The following UNG variants were observed in gnomAD, a reference collection of about 807,000 sequenced individuals.
UNG encodes uracil-DNA glycosylase.
In UNG, 34 loss-of-function variants were observed where a neutral mutation model predicts 36.5. The ratio of observed to expected loss-of-function variants is 0.93; its 90% CI spans 0.71 to 1.24. UNG has a LOEUF of 1.24. Ranked by LOEUF, UNG falls within the 50% of genes most tolerant of loss-of-function variation. UNG has a pLI of 0.00. For missense variants in UNG, 391 were observed against 397.6 expected, an observed-to-expected ratio of 0.98 and a Z score of 0.14; for synonymous variants, 172 against 157.8, an observed-to-expected ratio of 1.09 and a Z score of -0.67.
At chr12:109,099,500 G>A (rs577924331) in intron 3 of UNG, among the ~76,000 whole-genome samples, 1 of 152,154 alleles carries the variant, frequency 6.6e-6, no homozygotes, top group South Asian at 2.1e-4. Context: ...TGTACATCCT[G>A]TGCTCTTATT....
rs538049279 is a variant in UNG, at chr12:109,098,185, A to G, written c.133-247A>G. The stretch of plus-strand genomic sequence containing the variant: ...CGGGGCACCTCTGTGCAGGGTTCCC[A>G]GTCACCGCGACGCTCCTCGGGAAGC... On this transcript the variant is annotated intron_variant, in intron 1 of 6. Transcript: ENST00000242576. The G allele has an allele frequency of 4.6e-5, 65 of 1,422,106 alleles. 1 individual carries two copies. In the South Asian group the frequency reaches 7.6e-4, roughly 17 times the overall value. The allele number at this position is 1,422,106 out of a possible 1,614,324, so 88.1% of individuals were successfully genotyped here.
chr12:109,099,204 G>T lies in UNG; in HGVS notation c.355G>T (p.Ala119Ser), dbSNP rs779246152. 1.2e-6 allele frequency: 2 copies of T among 1,613,454 alleles called. No individual in the cohort carries two copies. Among genetic ancestry groups the T allele is most frequent in the Non-Finnish European group, 1.7e-6 (2 of 1,179,952 alleles). ...TTTAAATCAGCTAATGGGATTTGTTGCAGAAGAAAGAAAGCATTACACTGT... is the reference window on the plus strand; with the variant it reads ...TTTAAATCAGCTAATGGGATTTGTTTCAGAAGAAAGAAAGCATTACACTGT... Reference protein sequence around the residue: ...PYFIKLMGFVAEERKHYTVYP... With the variant: ...PYFIKLMGFVSEERKHYTVYP... The change falls in exon 3 of 7, where the codon GCA (alanine) becomes TCA (serine). Residue 119 changes from alanine (A) to serine (S), a missense_variant. Transcript: ENST00000242576.
intron 1 of UNG, 28 bp from the exon 2 acceptor site, chr12:109,098,404 G>A (rs1278370430): frequency 3.1e-6 from 5 of 1,603,386 alleles, no homozygotes; most frequent in Non-Finnish European, 4.3e-6. Flanking sequence ...TGCAGCTCTT[G>A]AGCCGCCTCT....
At position 109,099,218 on chromosome 12, in the gene UNG, G is replaced by C; in HGVS notation, c.369G>C (p.Lys123Asn). 1 of 1,613,808 alleles carries C rather than the reference G, an allele frequency of 6.2e-7. No homozygotes were observed. Among genetic ancestry groups the C allele is most frequent in the Non-Finnish European group, 8.5e-7 (1 of 1,180,004 alleles). Reference protein sequence around the residue: ...KLMGFVAEERKHYTVYPPPHQ... With the variant: ...KLMGFVAEERNHYTVYPPPHQ... ...TGGGATTTGTTGCAGAAGAAAGAAA[G>C]CATTACACTGTTTATCCACCCCCAC... Residue 123 changes from lysine (K) to asparagine (N), a missense_variant, in exon 3 of 7, where the codon AAG (lysine) becomes AAC (asparagine). Physicochemically the swap from Lys to Asn is moderately conservative, Grantham distance 94. Transcript: ENST00000242576.
Position 109,110,675 on chromosome 12 carries a change from T to C in UNG, c.*706T>C, listed in dbSNP as rs1260913930. 4 of 152,570 alleles carry C rather than the reference T, an allele frequency of 2.6e-5. No homozygotes were observed. Among genetic ancestry groups the C allele is most frequent in the South Asian group, 2.1e-4 (1 of 4,830 alleles). 9.5% of individuals were successfully genotyped at this position (152,570 alleles called of 1,614,324 possible). The stretch of plus-strand genomic sequence containing the variant: ...AGAGGAGAAAAGGGAATTTTGTCTT[T>C]ATGGGGTGGGGTGATTTTCTCCTAG... On this transcript the variant is annotated 3_prime_UTR_variant, in exon 7 of 7. Transcript: ENST00000242576.
In UNG at chr12:109,097,772, C is replaced by T. The variant is rs904612774; in HGVS notation, c.93C>T (p.Thr31=). ...APSPEPAVQG[T]GVAGVPEESG... ...GCCCCGAGCCGGCCGTCCAGGGGAC[C>T]GGCGTGGCTGGGGTGCCTGAGGAAA... The change falls in exon 1 of 7, where the codon ACC becomes ACT. Residue 31 remains threonine, a synonymous_variant. Transcript: ENST00000242576. 6 of 1,564,266 alleles carry T rather than the reference C, an allele frequency of 3.8e-6. No homozygotes were observed. The African/African-American group carries it at 8.2e-5, about 21-fold the overall frequency.
chr12:109,100,967 A>T (rs968036580), intron 3 of UNG, among the ~76,000 whole-genome samples: 11 of 151,802 alleles, frequency 7.2e-5, no homozygotes, highest in Non-Finnish European at 1.6e-4. Context: ...CCGTGACAGG[A>T]ACTTCATTTC....
chr12:109,100,207 C>A (rs2042166480), intron 3 of UNG, among the ~76,000 whole-genome samples: 1 of 152,206 alleles, frequency 6.6e-6, no homozygotes, highest in Non-Finnish European at 1.5e-5. Flanking sequence ...AAACCCCTCC[C>A]CACTTCTGTC....
intron 6 of UNG, among the ~76,000 whole-genome samples, chr12:109,109,576 A>G (rs2042244167): frequency 6.6e-6 from 1 of 151,924 alleles, no homozygotes; most frequent in African/African-American, 2.4e-5. Flanking sequence ...CGAGGTCAAG[A>G]GATCGAGACC....
chr12:109,098,230 C>T, intron 1 of UNG: 3 of 1,481,620 alleles, frequency 2.0e-6, no homozygotes, highest in East Asian at 2.3e-5. Context: ...CCTCCCAGCC[C>T]GTCTCCCCGC....
In UNG at chr12:109,098,618, G is replaced by A. The variant is rs1290849343; in HGVS notation, c.319G>A (p.Gly107Arg). ...GAAGAAGCACCTCAGCGGGGAGTTC[G>A]GGAAACCGTATTTTATCAAGGTAAA... ...SWKKHLSGEF[G>R]KPYFIKLMGF... The change falls in exon 2 of 7, where the codon GGG becomes AGG. Residue 107 changes from glycine to arginine, a missense_variant. Physicochemically the swap from Gly to Arg is moderately radical, Grantham distance 125. Coordinates refer to ENST00000242576, the MANE Select transcript of UNG (RefSeq NM_080911.3). 1 of 1,613,416 alleles carries A rather than the reference G, an allele frequency of 6.2e-7. No homozygotes were observed. The highest frequency in any genetic ancestry group is 8.5e-7 in the Non-Finnish European group (1 of 1,180,048).
chr12:109,099,226 CTG>C lies in UNG; in HGVS notation c.379_380del (p.Val127LeufsTer15). 4 of 1,613,978 alleles carry C rather than the reference CTG, an allele frequency of 2.5e-6. No individual in the cohort carries two copies. Among genetic ancestry groups the C allele is most frequent in the Non-Finnish European group, 3.4e-6 (4 of 1,180,010 alleles). On this transcript the variant is annotated frameshift_variant, in exon 3 of 7. Transcript: ENST00000242576. LOFTEE classifies it high-confidence loss of function. ...GTTGCAGAAGAAAGAAAGCATTACA[CTG>C]TTTATCCACCCCCACACCAAGTCTT...
rs560490243 is a variant in UNG at position 109,097,966 on chromosome 12, C to T, written c.132+155C>T. On this transcript the variant is annotated intron_variant, in intron 1 of 6. Coordinates refer to ENST00000242576, the MANE Select transcript of UNG (RefSeq NM_080911.3). ...ACGTGTTCAAAATAGCCGCCGCTGT[C>T]CCCCATGGGCCGCCATGCTAAAGGG... Among the ~76,000 whole-genome samples the T allele has an allele frequency of 1.3e-4, 20 of 152,370 alleles. No individual in the cohort carries two copies. In the East Asian group the frequency reaches 3.7e-3, roughly 28 times the overall value.
Position 109,103,445 on chromosome 12 carries a change from T to C in UNG, c.635T>C (p.Leu212Pro). ...CTCATGTGTATAGGTGTTCTCCTTC[T>C]CAACGCTGTCCTCACGGTTCGTGCC... ...SGWAKQGVLLLNAVLTVRAHQ... is the reference protein window; with the variant it reads ...SGWAKQGVLLPNAVLTVRAHQ... Residue 212 changes from leucine to proline, a missense_variant, in exon 6 of 7, where the codon CTC (leucine) becomes CCC (proline). Leu to Pro is a moderately conservative substitution (Grantham distance 98). Transcript: ENST00000242576. 6.2e-7 allele frequency: 1 copy of C among 1,614,154 alleles called. No homozygotes were observed. Among genetic ancestry groups the C allele is most frequent in the South Asian group, 1.1e-5 (1 of 91,088 alleles).
chr12:109,098,228 C>G (rs1393318091), intron 1 of UNG: 27 of 1,479,634 alleles, frequency 1.8e-5, no homozygotes, highest in Non-Finnish European at 2.3e-5. Context: ...CGCCTCCCAG[C>G]CCGTCTCCCC....
intron 6 of UNG, among the ~76,000 whole-genome samples, chr12:109,105,696 C>T (rs1052680914): frequency 2.0e-5 from 3 of 152,204 alleles, no homozygotes; most frequent in Non-Finnish European, 4.4e-5. Flanking sequence ...TGACACCTGC[C>T]TACCTCTCTT....
At position 109,101,887 on chromosome 12, in the gene UNG, C is replaced by A. The variant is rs552733171; in HGVS notation, c.436-15C>A. The A allele has an allele frequency of 1.2e-6, 2 of 1,611,274 alleles. No individual in the cohort carries two copies. Among genetic ancestry groups the A allele is most frequent in the South Asian group, 2.2e-5 (2 of 90,994 alleles). ...TTACAGTATTGTTTAATTCCTGACC[C>A]CTGGTGGTTCACAGGTGAAGGTTGT... is the stretch of plus-strand genomic sequence containing the variant. On this transcript the variant is annotated splice_polypyrimidine_tract_variant and intron_variant, in intron 3 of 6. Coordinates refer to ENST00000242576, the MANE Select transcript of UNG (RefSeq NM_080911.3).
chr12:109,107,623 T>A lies in UNG; in HGVS notation c.802-2206T>A, dbSNP rs531009304. 6.0e-5 allele frequency among the ~76,000 whole-genome samples: 9 copies of A among 151,218 alleles called. No homozygotes were observed. In the East Asian group the frequency reaches 1.8e-3, roughly 29 times the overall value. On this transcript the variant is annotated intron_variant, in intron 6 of 6. Coordinates refer to ENST00000242576, the MANE Select transcript of UNG (RefSeq NM_080911.3). ...TCACTGCAGCCTCCCCCTCCTGGGT[T>A]CAAGTGATTCTCCTGCCTCAGCCTC...
Position 109,110,075 on chromosome 12 carries a change from G to A in UNG, c.*106G>A. ...TAATTCTTAAGTACTCTGCATAAGG[G>A]GGAAAAGCTTCCAGAAAGCAGCCAT... On this transcript the variant is annotated 3_prime_UTR_variant, in exon 7 of 7. Coordinates refer to ENST00000242576, the MANE Select transcript of UNG (RefSeq NM_080911.3). 2.6e-6 allele frequency: 4 copies of A among 1,514,622 alleles called. No homozygotes were observed. The highest frequency in any genetic ancestry group is 3.6e-6 in the Non-Finnish European group (4 of 1,110,618). The allele number at this position is 1,514,622 out of a possible 1,614,324, so 93.8% of individuals were successfully genotyped here.
Sources: allele counts gnomAD v4.1 joint callset (sites outside exome capture counted in the v4.1 genomes callset), GRCh38; gene constraint gnomAD v4.1.1; transcripts MANE v1.5; gene names NCBI Gene and HGNC (gene_info 2026-07-23, HGNC 2026-07-21).